UBE3A: variants seen among roughly 807,000 people sequenced by gnomAD.
UBE3A encodes ubiquitin protein ligase E3A.
UBE3A carries 6 observed loss-of-function variants against 83.4 expected under a neutral mutation model. The ratio of observed to expected loss-of-function variants is 0.07; its 90% CI spans 0.04 to 0.14. The LOEUF (loss-of-function observed/expected upper bound fraction) is 0.14, where lower values mean the gene tolerates loss of function less well. Among genes scored for constraint, UBE3A ranks in the 10% least tolerant of loss-of-function variants. The pLI is 1.00. For missense variants in UBE3A, 456 were observed against 1,036.1 expected (o/e 0.44, Z 7.69); for synonymous variants, 337 against 355.4 (o/e 0.95, Z 0.58).
At chr15:25,435,067 C>CA (rs1301223406) in intron 1 of UBE3A, among the ~76,000 whole-genome samples, 1 of 143,826 alleles carries the variant, frequency 7.0e-6, no homozygotes, top group Non-Finnish European at 1.5e-5. Context: ...GGGCTGGGAC[C>CA]AAGGAATGAA....
chr15:25,352,265 T>C (rs949848872), intron 11 of UBE3A, among the ~76,000 whole-genome samples: 1 of 152,226 alleles, frequency 6.6e-6, no homozygotes, highest in Admixed American at 6.5e-5. Context: ...CAACTTTTAG[T>C]TGAAATGTAT....
At chr15:25,427,287 C>T (rs1021082834) in intron 1 of UBE3A, among the ~76,000 whole-genome samples, 2 of 151,846 alleles carry the variant, frequency 1.3e-5, no homozygotes, top group African/African-American at 4.8e-5. Flanking sequence ...AGCCCCAAAC[C>T]AATGAGTGCA....
intron 6 of UBE3A, among the ~76,000 whole-genome samples, chr15:25,368,494 CTCTT>C (rs775199475): frequency 9.2e-5 from 14 of 152,062 alleles, no homozygotes; most frequent in African/African-American, 2.4e-4. Context: ...TAAGCATCAT[CTCTT>C]TCTATTTTCA....
chr15:25,414,556 C>A (rs1458459068), intron 1 of UBE3A, among the ~76,000 whole-genome samples: 3 of 152,152 alleles, frequency 2.0e-5, no homozygotes, highest in African/African-American at 7.2e-5. Context: ...GAAAACCATT[C>A]TTTATGAGGG....
At chr15:25,367,325 A>AT (rs1337219838) in intron 6 of UBE3A, among the ~76,000 whole-genome samples, 3 of 134,248 alleles carry the variant, frequency 2.2e-5, no homozygotes, top group South Asian at 4.4e-4. Context: ...ACATATTTAT[A>AT]TTAAAAATGT....
chr15:25,359,623 C>G (rs1366750250), intron 7 of UBE3A, among the ~76,000 whole-genome samples: 1 of 152,018 alleles, frequency 6.6e-6, no homozygotes, highest in African/African-American at 2.4e-5. Context: ...TTGTCATGTA[C>G]TCAATTTTAA....
Position 25,424,225 on chromosome 15 carries a change from C to T in UBE3A, c.-164-12254G>A, listed in dbSNP as rs577294145. On this transcript the variant is annotated intron_variant, in intron 1 of 12. Coordinates refer to ENST00000648336, the MANE Select transcript of UBE3A (RefSeq NM_130839.5). ...TTCTAAAGCTACACTGGCCACACCT[C>T]GAGTTCTTCAAACACATCAGGCACT... Among the ~76,000 whole-genome samples the T allele has an allele frequency of 3.0e-4, 46 of 152,230 alleles. No individual in the cohort carries two copies. In the Middle Eastern group the frequency reaches 0.01, roughly 34 times the overall value.
chr15:25,386,836 T>G (rs1270198551), intron 4 of UBE3A, among the ~76,000 whole-genome samples: 2 of 152,108 alleles, frequency 1.3e-5, no homozygotes, highest in East Asian at 3.9e-4. Flanking sequence ...GCACTCTACC[T>G]TGTGAGATTA....
intron 1 of UBE3A, chr15:25,415,927 G>A (rs2090829035): frequency 6.9e-6 from 1 of 145,282 alleles, no homozygotes; most frequent in African/African-American, 2.5e-5. Flanking sequence ...GATGAACAAA[G>A]ATACCATTTC....
Position 25,409,195 on chromosome 15 carries a change from A to T in UBE3A, c.-88T>A. The T allele has an allele frequency of 7.8e-7, 1 of 1,282,804 alleles. No homozygotes were observed. Among genetic ancestry groups the T allele is most frequent in the South Asian group, 1.3e-5 (1 of 76,770 alleles). The allele number at this position is 1,282,804 out of a possible 1,614,324, so 79.5% of individuals were successfully genotyped here. On this transcript the variant is annotated 5_prime_UTR_variant, in exon 3 of 13. Transcript: ENST00000648336. ...CTAGCTGCTACCTTGATCTGAGCGT[A>T]GGCTTAATAACTCTAATAAATTAAA...
chr15:25,432,819 C>G (rs913142403), intron 1 of UBE3A, among the ~76,000 whole-genome samples: 1 of 152,196 alleles, frequency 6.6e-6, no homozygotes, highest in Non-Finnish European at 1.5e-5. Context: ...TATGCTCTTA[C>G]TTGAAACACA....
chr15:25,438,134 G>A (rs1021163747), intron 1 of UBE3A: 1 of 152,276 alleles, frequency 6.6e-6, no homozygotes, highest in African/African-American at 2.4e-5. Flanking sequence ...TTGAAGGAAA[G>A]GGCCTGCCCT....
chr15:25,369,503 C>T (rs2079946705), intron 6 of UBE3A, among the ~76,000 whole-genome samples: 1 of 151,834 alleles, frequency 6.6e-6, no homozygotes, highest in African/African-American at 2.4e-5. Flanking sequence ...TTTAGACATT[C>T]TAAAACTAAA....
chr15:25,339,899 G>T, intron 12 of UBE3A, 186 bp downstream of exon 12: 1 of 713,878 alleles, frequency 1.4e-6, no homozygotes, highest in Non-Finnish European at 2.3e-6. Flanking sequence ...TTTTTAACTA[G>T]GGCAATTTCT....
intron 4 of UBE3A, among the ~76,000 whole-genome samples, chr15:25,383,113 T>C (rs1043503270): frequency 9.2e-5 from 14 of 151,874 alleles, no homozygotes; most frequent in Admixed American, 3.3e-4. Context: ...GAAAAAAGAA[T>C]CCCTAATAAA....
chr15:25,345,239 T>G (rs1347903511), intron 11 of UBE3A, among the ~76,000 whole-genome samples: 1 of 152,164 alleles, frequency 6.6e-6, no homozygotes, highest in East Asian at 1.9e-4. Flanking sequence ...CTACAGGATC[T>G]AATTTGCAGA....
chr15:25,433,217 C>T (rs1893987055), intron 1 of UBE3A, among the ~76,000 whole-genome samples: 1 of 144,206 alleles, frequency 6.9e-6, no homozygotes, highest in Non-Finnish European at 1.5e-5. Context: ...CTTTGAGAGG[C>T]AGTCTCACTC....
chr15:25,418,746 C>T (rs1308924260), intron 1 of UBE3A: 1 of 152,100 alleles, frequency 6.6e-6, no homozygotes, highest in Non-Finnish European at 1.5e-5. Flanking sequence ...AGAAGCCATT[C>T]CACATGCTCT....
intron 1 of UBE3A, chr15:25,412,966 A>C: frequency 2.3e-6 from 1 of 430,396 alleles, no homozygotes; most frequent in Non-Finnish European, 4.6e-6. Flanking sequence ...TTTCAGACCA[A>C]CCCAAGAACG....
Sources: allele counts gnomAD v4.1 joint callset (sites outside exome capture counted in the v4.1 genomes callset), GRCh38; gene constraint gnomAD v4.1.1; transcripts MANE v1.5; gene names NCBI Gene and HGNC (gene_info 2026-07-23, HGNC 2026-07-21).